Variants in NEK10 observed in about 807,000 individuals in gnomAD.
NEK10 encodes the protein serine/threonine-protein kinase Nek10.
A neutral mutation model predicts 159.8 loss-of-function variants in NEK10; 122 were observed. That is an observed-to-expected ratio of 0.76 (90% confidence interval 0.66 to 0.89). The LOEUF (loss-of-function observed/expected upper bound fraction) is 0.89, where lower values mean the gene tolerates loss of function less well. Among genes scored for constraint, NEK10 ranks in the 40% least tolerant of loss-of-function variants. The pLI, the probability that NEK10 is intolerant of heterozygous loss-of-function variation, is 0.00. For synonymous variants in NEK10, 466 were observed against 457.1 expected, an observed-to-expected ratio of 1.02 and a Z score of -0.25; for missense variants, 1,342 against 1,323.1, an observed-to-expected ratio of 1.01 and a Z score of -0.22.
At chr3:27,127,598 C>T (rs568559896) in intron 32 of NEK10, among the ~76,000 whole-genome samples, 8 of 152,068 alleles carry the variant, frequency 5.3e-5, no homozygotes, top group Non-Finnish European at 1.0e-4. Context: ...AGAAAAGGTA[C>T]AGTAAAATTA....
chr3:27,296,085 A>G (rs529783272), intron 14 of NEK10, among the ~76,000 whole-genome samples: 14 of 152,260 alleles, frequency 9.2e-5, no homozygotes, highest in African/African-American at 2.9e-4. Flanking sequence ...TATTCCAGTT[A>G]TTAATTTATG....
intron 23 of NEK10, among the ~76,000 whole-genome samples, chr3:27,241,208 A>G (rs1202057609): frequency 6.6e-6 from 1 of 152,030 alleles, no homozygotes; most frequent in Non-Finnish European, 1.5e-5. Flanking sequence ...GAAAAATAAG[A>G]TTTTTTCAGA....
intron 26 of NEK10, among the ~76,000 whole-genome samples, chr3:27,180,463 GA>G (rs1370392202): frequency 4.6e-5 from 7 of 151,472 alleles, no homozygotes; most frequent in Non-Finnish European, 1.0e-4. Context: ...GAAGGGAAGG[GA>G]AGGAACAATG....
At chr3:27,139,075 A>T (rs913907007) in intron 31 of NEK10, among the ~76,000 whole-genome samples, 4 of 152,172 alleles carry the variant, frequency 2.6e-5, no homozygotes, top group African/African-American at 9.7e-5. Flanking sequence ...CAGTGCTGAT[A>T]TGGCTGATAA....
At chr3:27,168,674 G>C (rs1459680521) in intron 29 of NEK10, among the ~76,000 whole-genome samples, 1 of 152,160 alleles carries the variant, frequency 6.6e-6, no homozygotes, top group Non-Finnish European at 1.5e-5. Flanking sequence ...AAGGAAGACA[G>C]CTTGTCTTAA....
chr3:27,279,057 C>T, intron 22 of NEK10: 1 of 318,934 alleles, frequency 3.1e-6, no homozygotes, highest in Non-Finnish European at 4.5e-6. Flanking sequence ...ATAGCATTTG[C>T]AAAACCAAGC....
intron 1 of NEK10, among the ~76,000 whole-genome samples, chr3:27,366,856 G>A (rs1465686762): frequency 1.4e-5 from 2 of 138,220 alleles, no homozygotes; most frequent in Non-Finnish European, 3.0e-5. Context: ...TTGTTGCCCA[G>A]GCTGTAGAGC....
intron 35 of NEK10, 23 bp from the exon 36 acceptor site, chr3:27,111,343 G>T (rs1939501271): frequency 2.6e-6 from 4 of 1,551,678 alleles, no homozygotes; most frequent in Non-Finnish European, 2.6e-6. Flanking sequence ...GAAGTGGAAA[G>T]AATTCTCTAT....
intron 6 of NEK10, among the ~76,000 whole-genome samples, chr3:27,319,967 G>T (rs1027839781): frequency 6.6e-6 from 1 of 152,166 alleles, no homozygotes; most frequent in African/African-American, 2.4e-5. Flanking sequence ...CCATGAAAAA[G>T]GCATGCTGAG....
chr3:27,160,824 T>C (rs1362052202), intron 30 of NEK10, among the ~76,000 whole-genome samples: 2 of 152,174 alleles, frequency 1.3e-5, no homozygotes, highest in Non-Finnish European at 2.9e-5. Flanking sequence ...GAGAATTGCC[T>C]GAACCCAGGA....
intron 26 of NEK10, among the ~76,000 whole-genome samples, chr3:27,182,284 C>T (rs565114456): frequency 4.6e-5 from 7 of 152,010 alleles, no homozygotes; most frequent in Admixed American, 1.3e-4. Flanking sequence ...TAATTAACTC[C>T]GTTAAGCCAT....
chr3:27,257,933 A>T (rs11129275), intron 22 of NEK10, among the ~76,000 whole-genome samples: 2 of 151,236 alleles, frequency 1.3e-5, no homozygotes, highest in African/African-American at 4.9e-5. Flanking sequence ...GGACTACAGG[A>T]GCCCGCCAGC....
At chr3:27,167,126 A>G (rs1334117367) in intron 29 of NEK10, among the ~76,000 whole-genome samples, 1 of 152,152 alleles carries the variant, frequency 6.6e-6, no homozygotes, top group Admixed American at 6.5e-5. Flanking sequence ...GAAGGCAAGC[A>G]GACGTGGAGA....
intron 23 of NEK10, among the ~76,000 whole-genome samples, chr3:27,223,266 C>G (rs1952300408): frequency 6.6e-6 from 1 of 152,158 alleles, no homozygotes; most frequent in Non-Finnish European, 1.5e-5. Flanking sequence ...CAAGGATCGT[C>G]AAGTCTCCTG....
chr3:27,203,470 A>T (rs1950220026), intron 23 of NEK10, among the ~76,000 whole-genome samples: 1 of 152,226 alleles, frequency 6.6e-6, no homozygotes, highest in Non-Finnish European at 1.5e-5. Context: ...ATTTAATTAG[A>T]TTTAATTTTT....
At chr3:27,225,564 G>T (rs189142958) in intron 23 of NEK10, among the ~76,000 whole-genome samples, 2 of 152,246 alleles carry the variant, frequency 1.3e-5, no homozygotes. Flanking sequence ...ACTTATTAAA[G>T]GCTGTTAGGA....
intron 22 of NEK10, among the ~76,000 whole-genome samples, chr3:27,271,743 TGGA>T (rs1169843807): frequency 6.6e-6 from 1 of 152,158 alleles, no homozygotes; most frequent in Non-Finnish European, 1.5e-5. Context: ...TGATCATATT[TGGA>T]GAAGAAGAAA....
intron 6 of NEK10, among the ~76,000 whole-genome samples, chr3:27,320,900 T>C (rs1029020245): frequency 6.6e-6 from 1 of 152,224 alleles, no homozygotes; most frequent in Non-Finnish European, 1.5e-5. Context: ...ATGGAAAAGA[T>C]GGTTACTTCT....
intron 12 of NEK10, among the ~76,000 whole-genome samples, chr3:27,303,238 C>CT (rs1345739573): frequency 1.3e-5 from 2 of 152,126 alleles, no homozygotes; most frequent in Non-Finnish European, 2.9e-5. Flanking sequence ...TGAAAGACCT[C>CT]TTTTTTACCA....
Sources: gnomAD v4.1 joint callset for allele counts (sites outside exome capture counted in the v4.1 genomes callset) on GRCh38, gnomAD v4.1.1 for gene constraint, MANE v1.5 for transcripts, NCBI Gene and HGNC (gene_info 2026-07-23, HGNC 2026-07-21) for gene names.